Variants in KCNT2 observed in about 807,000 individuals in gnomAD.
KCNT2 encodes the protein potassium channel subfamily T member 2.
Under a neutral mutation model 153.8 loss-of-function variants are expected in KCNT2, and 67 were observed. The observed-to-expected ratio is 0.44, with a 90% CI of 0.36 to 0.53. The LOEUF is 0.53. Ranked by LOEUF, KCNT2 falls within the 20% of genes least tolerant of loss-of-function variation. The pLI is 0.00. For synonymous variants in KCNT2, 500 were observed against 458.8 expected (o/e 1.09, Z -1.15); for missense variants, 975 against 1,354.8 (o/e 0.72, Z 4.40).
At chr1:196,511,884 G>C (rs1013397615) in intron 1 of KCNT2, among the ~76,000 whole-genome samples, 1 of 152,094 alleles carries the variant, frequency 6.6e-6, no homozygotes, top group African/African-American at 2.4e-5. Flanking sequence ...AGGTACTAGG[G>C]GTAAGTGCTT....
intron 14 of KCNT2, among the ~76,000 whole-genome samples, chr1:196,365,906 A>G (rs994436393): frequency 5.9e-5 from 9 of 152,206 alleles, no homozygotes; most frequent in Non-Finnish European, 1.0e-4. Flanking sequence ...AAGACCAATT[A>G]CTATGGTTGG....
At chr1:196,601,474 A>G (rs1664715101) in intron 1 of KCNT2, among the ~76,000 whole-genome samples, 1 of 152,212 alleles carries the variant, frequency 6.6e-6, no homozygotes, top group South Asian at 2.1e-4. Context: ...CTTGATAATT[A>G]GTAGGGTGTT....
intron 25 of KCNT2, among the ~76,000 whole-genome samples, chr1:196,279,997 G>C (rs1658942082): frequency 6.6e-6 from 1 of 151,700 alleles, no homozygotes; most frequent in Non-Finnish European, 1.5e-5. Context: ...AGGTAATTTT[G>C]TATCAGACCA....
chr1:196,432,531 TG>T (rs1335436995), intron 8 of KCNT2, among the ~76,000 whole-genome samples: 4 of 152,122 alleles, frequency 2.6e-5, no homozygotes, highest in Non-Finnish European at 5.9e-5. Context: ...AGTCAAGACA[TG>T]GAGTCAAAAA....
chr1:196,242,166 A>G (rs1655016610), intron 26 of KCNT2, among the ~76,000 whole-genome samples: 1 of 152,104 alleles, frequency 6.6e-6, no homozygotes, highest in African/African-American at 2.4e-5. Flanking sequence ...TTTTATATTA[A>G]AGAATGTGGG....
chr1:196,595,031 C>T (rs938615292), intron 1 of KCNT2, among the ~76,000 whole-genome samples: 1 of 151,828 alleles, frequency 6.6e-6, no homozygotes, highest in East Asian at 1.9e-4. Flanking sequence ...GACTGAGGCT[C>T]GAGTTAAGCA....
At chr1:196,367,411 C>A (rs1359179166) in intron 14 of KCNT2, among the ~76,000 whole-genome samples, 1 of 151,954 alleles carries the variant, frequency 6.6e-6, no homozygotes, top group Admixed American at 6.6e-5. Context: ...TTCTAAGATC[C>A]TTTGATTTAC....
intron 23 of KCNT2, among the ~76,000 whole-genome samples, chr1:196,283,947 T>A (rs768608486): frequency 3.3e-4 from 50 of 151,714 alleles, no homozygotes; most frequent in Non-Finnish European, 8.8e-5. Flanking sequence ...TTTAAGACTT[T>A]AGGCTGAGCA....
chr1:196,483,753 A>G (rs777923511), intron 3 of KCNT2, among the ~76,000 whole-genome samples: 1 of 152,086 alleles, frequency 6.6e-6, no homozygotes, highest in Non-Finnish European at 1.5e-5. Flanking sequence ...CTTTATATTT[A>G]TTTGTATATG....
At chr1:196,277,279 ATTC>A (rs1409772342) in intron 25 of KCNT2, among the ~76,000 whole-genome samples, 1 of 152,040 alleles carries the variant, frequency 6.6e-6, no homozygotes, top group Non-Finnish European at 1.5e-5. Flanking sequence ...TCTGGGTGAG[ATTC>A]TTTTTATTGC....
At chr1:196,367,966 T>A (rs973601336) in intron 14 of KCNT2, among the ~76,000 whole-genome samples, 5 of 152,076 alleles carry the variant, frequency 3.3e-5, no homozygotes, top group African/African-American at 7.2e-5. Flanking sequence ...ACGATTACAA[T>A]AAGAGAATCC....
chr1:196,543,756 A>C (rs1656695219), intron 1 of KCNT2, among the ~76,000 whole-genome samples: 1 of 152,166 alleles, frequency 6.6e-6, no homozygotes, highest in Admixed American at 6.6e-5. Context: ...ATATGCTGTG[A>C]GGATATAGAA....
At chr1:196,290,758 A>T (rs949779621) in intron 22 of KCNT2, among the ~76,000 whole-genome samples, 1 of 152,068 alleles carries the variant, frequency 6.6e-6, no homozygotes, top group African/African-American at 2.4e-5. Context: ...TCACCCTAAC[A>T]GTCCTAGACC....
intron 1 of KCNT2, among the ~76,000 whole-genome samples, chr1:196,509,217 C>T (rs1052091004): frequency 1.4e-5 from 2 of 147,090 alleles, no homozygotes; most frequent in Non-Finnish European, 3.0e-5. Context: ...TGCAGTGAGC[C>T]GAGATAGTGC....
At position 196,305,389 on chromosome 1, in the gene KCNT2, T is replaced by A. The variant is rs745469497; in HGVS notation, c.2484-44A>T. On this transcript the variant is annotated intron_variant, in intron 21 of 27. Coordinates refer to ENST00000294725, the MANE Select transcript of KCNT2 (RefSeq NM_198503.5). ...TTTGCATTACACTAACAATCCAATA[T>A]GGTATTTTTTATAACAACATATTTA... 15 of 1,040,210 alleles carry A rather than the reference T, an allele frequency of 1.4e-5. No homozygotes were observed. The South Asian group carries it at 1.7e-4, about 12-fold the overall frequency. 64.4% of individuals were successfully genotyped at this position (1,040,210 alleles called of 1,614,324 possible). A position where few individuals can be genotyped will look rare whatever the true frequency, so the allele number is the denominator to read the frequency against.
intron 14 of KCNT2, among the ~76,000 whole-genome samples, chr1:196,370,206 A>C (rs1488923626): frequency 6.6e-6 from 1 of 152,176 alleles, no homozygotes; most frequent in African/African-American, 2.4e-5. Context: ...TTGCCAAATA[A>C]ATAAAAATGC....
At chr1:196,243,873 G>A (rs1177434792) in intron 26 of KCNT2, among the ~76,000 whole-genome samples, 2 of 152,080 alleles carry the variant, frequency 1.3e-5, no homozygotes, top group Non-Finnish European at 2.9e-5. Context: ...GATGGCCAAG[G>A]GAGTGCTTGT....
chr1:196,287,730 T>A (rs1217733214), intron 22 of KCNT2, among the ~76,000 whole-genome samples: 1 of 152,066 alleles, frequency 6.6e-6, no homozygotes, highest in African/African-American at 2.4e-5. Flanking sequence ...GAACGTACTT[T>A]GTGTAGGGCA....
intron 9 of KCNT2, among the ~76,000 whole-genome samples, chr1:196,428,484 A>G (rs1208029561): frequency 3.3e-5 from 5 of 152,046 alleles, no homozygotes; most frequent in Non-Finnish European, 5.9e-5. Flanking sequence ...AAGGAAACAT[A>G]TTAACATGAT....
Sources: allele counts gnomAD v4.1 joint callset (sites outside exome capture counted in the v4.1 genomes callset), GRCh38; gene constraint gnomAD v4.1.1; transcripts MANE v1.5; gene names NCBI Gene and HGNC (gene_info 2026-07-23, HGNC 2026-07-21).